The following RPTOR variants were observed in gnomAD, a reference collection of about 807,000 sequenced individuals.
The protein encoded by RPTOR is regulatory-associated protein of mTOR.
In RPTOR, 21 loss-of-function variants were observed where a neutral mutation model predicts 169.9. That is an observed-to-expected ratio of 0.12 (90% CI 0.09 to 0.18). RPTOR has a LOEUF of 0.18. RPTOR is among the 10% of genes least tolerant of loss of function. RPTOR has a pLI of 1.00. For synonymous variants in RPTOR, 732 were observed against 753.2 expected, an observed-to-expected ratio of 0.97 and a Z score of 0.46; for missense variants, 1,133 against 1,855.9, an observed-to-expected ratio of 0.61 and a Z score of 7.16.
chr17:80,885,321 A>G (rs956047807), intron 17 of RPTOR, among the ~76,000 whole-genome samples, 173 bp downstream of exon 17: 3 of 152,204 alleles, frequency 2.0e-5, no homozygotes, highest in Non-Finnish European at 4.4e-5. Flanking sequence ...TTTCTTTACC[A>G]GACACCCATG....
chr17:80,695,589 A>G lies in RPTOR; in HGVS notation c.349-12252A>G, dbSNP rs2066029742. 6.6e-6 allele frequency among the ~76,000 whole-genome samples: 1 copy of G among 152,174 alleles called. No homozygotes were observed. The highest frequency in any genetic ancestry group is 2.4e-5 in the African/African-American group (1 of 41,448). On this transcript the variant is annotated intron_variant, in intron 3 of 33. Coordinates refer to ENST00000306801, the MANE Select transcript of RPTOR (RefSeq NM_020761.3). The surrounding 1 kb of genome is among the most constrained non-coding windows in gnomAD (Gnocchi z 4.9). ...ACCCAGAGCCAGCGTCTTCCCAAGC[A>G]GCTGTTTTACAGGAAACAAAGCAGG...
chr17:80,666,766 G>C (rs181196490), intron 3 of RPTOR, among the ~76,000 whole-genome samples: 1 of 152,164 alleles, frequency 6.6e-6, no homozygotes, highest in Admixed American at 6.5e-5. Flanking sequence ...ATGGGTGGCC[G>C]AGCAGTCCGA....
chr17:80,664,147 A>G (rs143129018), intron 3 of RPTOR, among the ~76,000 whole-genome samples: 157 of 152,210 alleles, frequency 1.0e-3, no homozygotes, highest in African/African-American at 3.6e-3. Flanking sequence ...CGTGCAAACC[A>G]TCTTGGCTGT....
intron 3 of RPTOR, among the ~76,000 whole-genome samples, chr17:80,701,373 CT>C (rs1244805002): frequency 6.6e-6 from 1 of 152,152 alleles, no homozygotes; most frequent in Non-Finnish European, 1.5e-5. Context: ...CTCTTTTTGG[CT>C]TTTGTTTTGT....
Position 80,667,949 on chromosome 17 carries a change from C to A in RPTOR, c.348+24139C>A, listed in dbSNP as rs1398016241. On this transcript the variant is annotated intron_variant, in intron 3 of 33. Coordinates refer to ENST00000306801, the MANE Select transcript of RPTOR (RefSeq NM_020761.3). ...CCACAAGGGTCTGCCATTCTGTCAG[C>A]AACAAAAATGCCGTGGGCAGAACGA... is the stretch of plus-strand genomic sequence containing the variant. Among the ~76,000 whole-genome samples the A allele has an allele frequency of 2.0e-5, 3 of 152,156 alleles. No individual in the cohort carries two copies. The South Asian group carries it at 6.2e-4, about 32-fold the overall frequency.
intron 25 of RPTOR, among the ~76,000 whole-genome samples, chr17:80,944,717 A>G (rs1316805591): frequency 6.6e-6 from 1 of 152,216 alleles, no homozygotes; most frequent in African/African-American, 2.4e-5. Flanking sequence ...CTTGCCGGGC[A>G]TGGTGGCTCA....
chr17:80,682,387 G>T (rs1267837828), intron 3 of RPTOR, among the ~76,000 whole-genome samples: 2 of 152,146 alleles, frequency 1.3e-5, no homozygotes, highest in Admixed American at 1.3e-4. Flanking sequence ...ACAGGTGTGA[G>T]CCACTGCACC....
chr17:80,794,907 G>A lies in RPTOR; in HGVS notation c.890+3398G>A, dbSNP rs75950997. Among the ~76,000 whole-genome samples the A allele has an allele frequency of 3.8e-3, 580 of 152,354 alleles. 5 individuals are homozygous for A. The highest frequency in any genetic ancestry group is 0.012 in the African/African-American group (509 of 41,578). On this transcript the variant is annotated intron_variant, in intron 7 of 33. Transcript: ENST00000306801. ...AGCTGTTGCCAGGGATTAGAGGGGT[G>A]GAGAGTGTGGCTGTGAGGGGCTAGC...
chr17:80,545,507 C>G lies in RPTOR; in HGVS notation c.-123C>G. 1 of 734,044 alleles carries G rather than the reference C, an allele frequency of 1.4e-6. No homozygotes were observed. The highest frequency in any genetic ancestry group is 2.3e-6 in the Non-Finnish European group (1 of 437,460). 45.5% of individuals were successfully genotyped at this position (734,044 alleles called of 1,614,324 possible). On this transcript the variant is annotated 5_prime_UTR_variant, in exon 1 of 34. The change creates a new upstream start codon in the 5' untranslated region. Coordinates refer to ENST00000306801, the MANE Select transcript of RPTOR (RefSeq NM_020761.3). The stretch of plus-strand genomic sequence containing the variant: ...GAGTAAGGGTCTCCGCACTCTTTAT[C>G]CATTTGGTTTTCGATTTCCCGTTTT...
chr17:80,788,895 G>T (rs933314666), intron 6 of RPTOR, among the ~76,000 whole-genome samples: 2 of 152,226 alleles, frequency 1.3e-5, no homozygotes, highest in African/African-American at 2.4e-5. Flanking sequence ...ACACTCTGAT[G>T]TAGGTGAATG....
intron 1 of RPTOR, among the ~76,000 whole-genome samples, chr17:80,582,236 G>T (rs1453511710): frequency 6.6e-6 from 1 of 152,234 alleles, no homozygotes; most frequent in East Asian, 1.9e-4. Flanking sequence ...GGACAGCTCA[G>T]CTGATTCCTG....
At chr17:80,856,427 G>C (rs536655824) in intron 12 of RPTOR, among the ~76,000 whole-genome samples, 1 of 152,352 alleles carries the variant, frequency 6.6e-6, no homozygotes, top group African/African-American at 2.4e-5. Context: ...GCTGTCACTA[G>C]CTGGGTGGTG....
At position 80,545,628 on chromosome 17, in the gene RPTOR, T is replaced by A; in HGVS notation, c.-2T>A. The A allele has an allele frequency of 6.2e-7, 1 of 1,609,184 alleles. No individual in the cohort carries two copies. The highest frequency in any genetic ancestry group is 8.5e-7 in the Non-Finnish European group (1 of 1,177,574). On this transcript the variant is annotated 5_prime_UTR_variant, in exon 1 of 34. Transcript: ENST00000306801. The stretch of plus-strand genomic sequence containing the variant: ...AGGACTCCCCCACCCCCTCCCCCAC[T>A]GATGGAGTCCGAAATGCTGCAATCG...
At chr17:80,876,140 A>T (rs376353044) in intron 13 of RPTOR, among the ~76,000 whole-genome samples, 1 of 102,692 alleles carries the variant, frequency 9.7e-6, no homozygotes, top group South Asian at 3.3e-4. Context: ...TGTGTGTGTC[A>T]CCTGCCGGGT....
At chr17:80,565,048 A>G (rs560523224) in intron 1 of RPTOR, among the ~76,000 whole-genome samples, 2 of 152,200 alleles carry the variant, frequency 1.3e-5, no homozygotes, top group South Asian at 4.1e-4. Context: ...GGTTGATTCC[A>G]TGTCTTTGCT....
chr17:80,846,204 C>T lies in RPTOR; in HGVS notation c.1213-269C>T, dbSNP rs528619358. ...GCTGGTTCCCAGCACGCTCCTCTTG[C>T]GGCCCCAGCTCGGTGCCCTGGCCAA... is the stretch of plus-strand genomic sequence containing the variant. On this transcript the variant is annotated intron_variant, in intron 10 of 33. Coordinates refer to ENST00000306801, the MANE Select transcript of RPTOR (RefSeq NM_020761.3). Among the ~76,000 whole-genome samples the T allele has an allele frequency of 4.3e-4, 65 of 152,282 alleles. 1 individual carries two copies. Among genetic ancestry groups the T allele is most frequent in the African/African-American group, 1.5e-3 (62 of 41,480 alleles).
chr17:80,616,298 C>CTTTTTTTTTTT (rs201229448), intron 1 of RPTOR, among the ~76,000 whole-genome samples: 28 of 113,296 alleles, frequency 2.5e-4, no homozygotes, highest in Admixed American at 4.9e-4. Context: ...AATTGAAAAT[C>CTTTTTTTTTTT]TTTTTTTTTT....
intron 4 of RPTOR, among the ~76,000 whole-genome samples, chr17:80,714,313 G>A (rs138546434): frequency 2.6e-5 from 4 of 152,286 alleles, no homozygotes; most frequent in African/African-American, 9.6e-5. Context: ...GCAAAAGCCA[G>A]TATTAATGTA....
intron 1 of RPTOR, among the ~76,000 whole-genome samples, chr17:80,556,864 C>T (rs9890210): frequency 0.39 from 58,941 of 151,436 alleles, 11,622 homozygotes; most frequent in Middle Eastern, 0.49. Context: ...GAGGTCGAGG[C>T]GGGTGGGTCA....
Sources: gnomAD v4.1 joint callset for allele counts (sites outside exome capture counted in the v4.1 genomes callset) on GRCh38, gnomAD v4.1.1 for gene constraint, Gnocchi (gnomAD v3.1) non-coding constraint, MANE v1.5 for transcripts, NCBI Gene and HGNC (gene_info 2026-07-23, HGNC 2026-07-21) for gene names.